HSD17B2: variants seen among roughly 807,000 people sequenced by gnomAD.
HSD17B2 encodes 17-beta-hydroxysteroid dehydrogenase type 2.
Under a neutral mutation model 26.9 loss-of-function variants are expected in HSD17B2, and 32 were observed. The ratio of observed to expected loss-of-function variants is 1.19; its 90% CI spans 0.90 to 1.60. The LOEUF (loss-of-function observed/expected upper bound fraction) is 1.60. Among genes scored for constraint, HSD17B2 ranks in the 40% most tolerant of loss-of-function variants. The pLI, the probability that HSD17B2 is intolerant of heterozygous loss-of-function variation, is 0.00. For synonymous variants in HSD17B2, 246 were observed against 186.7 expected, an observed-to-expected ratio of 1.32 and a Z score of -2.59; for missense variants, 613 against 468.6, an observed-to-expected ratio of 1.31 and a Z score of -2.85.
intron 3 of HSD17B2, among the ~76,000 whole-genome samples, chr16:82,086,606 G>A (rs959072419): frequency 1.3e-5 from 2 of 152,304 alleles, no homozygotes; most frequent in East Asian, 3.9e-4. Flanking sequence ...TGACTTAGAA[G>A]AGGGGATGAT....
At chr16:82,072,791 C>G (rs1268550809) in intron 3 of HSD17B2, among the ~76,000 whole-genome samples, 1 of 152,112 alleles carries the variant, frequency 6.6e-6, no homozygotes, top group Non-Finnish European at 1.5e-5. Flanking sequence ...TGCGGTGGCT[C>G]AAGGATGTAA....
At chr16:82,089,809 A>G (rs886569200) in intron 3 of HSD17B2, among the ~76,000 whole-genome samples, 2 of 151,958 alleles carry the variant, frequency 1.3e-5, no homozygotes, top group African/African-American at 4.8e-5. Context: ...TCTGATAAGG[A>G]CACCCATCAT....
intron 1 of HSD17B2, among the ~76,000 whole-genome samples, chr16:82,061,979 A>T (rs996275893): frequency 6.6e-6 from 1 of 152,218 alleles, no homozygotes; most frequent in African/African-American, 2.4e-5. Flanking sequence ...GCCTGGCCTG[A>T]AGAACTCCCA....
chr16:82,047,963 C>T (rs8191078), intron 1 of HSD17B2, among the ~76,000 whole-genome samples: 12 of 152,084 alleles, frequency 7.9e-5, no homozygotes, highest in Admixed American at 1.3e-4. Context: ...ATAGGTCTTG[C>T]GAGACTGAGG....
intron 1 of HSD17B2, among the ~76,000 whole-genome samples, chr16:82,062,332 C>G (rs1201431812): frequency 6.6e-6 from 1 of 152,198 alleles, no homozygotes; most frequent in African/African-American, 2.4e-5. Context: ...TAACACCAAC[C>G]TCAGCATTTT....
chr16:82,081,200 T>G (rs1904370121), intron 3 of HSD17B2, among the ~76,000 whole-genome samples: 1 of 152,200 alleles, frequency 6.6e-6, no homozygotes, highest in Non-Finnish European at 1.5e-5. Flanking sequence ...AAAAAATTAT[T>G]GCAAATTGTG....
intron 3 of HSD17B2, among the ~76,000 whole-genome samples, chr16:82,089,420 G>A (rs8191207): frequency 2.0e-5 from 3 of 152,110 alleles, no homozygotes; most frequent in East Asian, 3.9e-4. Flanking sequence ...GAGCCCTGTT[G>A]TTATGGGTCT....
intron 3 of HSD17B2, among the ~76,000 whole-genome samples, chr16:82,075,911 A>AC (rs1904298850): frequency 6.6e-6 from 1 of 150,644 alleles, no homozygotes; most frequent in Admixed American, 6.6e-5. Flanking sequence ...TACATGTTAA[A>AC]AAAAAAAAAA....
rs373744144 is a variant in HSD17B2, at chr16:82,076,763, A to G, written c.664+5636A>G. 2.1e-4 allele frequency among the ~76,000 whole-genome samples: 32 copies of G among 152,240 alleles called. 1 individual carries two copies. In the South Asian group the frequency reaches 6.4e-3, roughly 31 times the overall value. On this transcript the variant is annotated intron_variant, in intron 3 of 4. Transcript: ENST00000199936. Reference sequence around the variant, plus strand: ...CTATTTTTTTGTGTGTGTTTTTAGTAGAGACAGGGTTTCATAATGTTGGCC... The same window carrying G: ...CTATTTTTTTGTGTGTGTTTTTAGTGGAGACAGGGTTTCATAATGTTGGCC...
At position 82,094,994 on chromosome 16, in the gene HSD17B2, G is replaced by A. The variant is rs1367402304; in HGVS notation, c.803-3081G>A. 2.0e-5 allele frequency: 3 copies of A among 152,216 alleles called. No individual in the cohort carries two copies. In the South Asian group the frequency reaches 6.2e-4, roughly 32 times the overall value. 9.4% of individuals were successfully genotyped at this position (152,216 alleles called of 1,614,324 possible). On this transcript the variant is annotated intron_variant, in intron 4 of 4. Transcript: ENST00000199936. ...TAACTTCATTGTGTGCAGCACCAAA[G>A]TGGCATGGGAGGGATGGGTAGGGAG...
At chr16:82,066,676 C>T (rs1914579950) in intron 1 of HSD17B2, among the ~76,000 whole-genome samples, 1 of 152,090 alleles carries the variant, frequency 6.6e-6, no homozygotes, top group Admixed American at 6.5e-5. Context: ...TACATTTCCA[C>T]ACCTCGCTAT....
intron 1 of HSD17B2, among the ~76,000 whole-genome samples, chr16:82,039,003 T>C (rs1913695116): frequency 6.6e-6 from 1 of 152,114 alleles, no homozygotes. Context: ...TTCCATGCAC[T>C]TCTGGCACCA....
intron 1 of HSD17B2, among the ~76,000 whole-genome samples, chr16:82,057,320 T>A (rs944206907): frequency 1.1e-4 from 17 of 151,952 alleles, no homozygotes; most frequent in Non-Finnish European, 2.5e-4. Context: ...TGCCTCAGCC[T>A]CCTGAATAGC....
At chr16:82,070,290 C>A (rs1054704585) in intron 2 of HSD17B2, among the ~76,000 whole-genome samples, 1 of 152,140 alleles carries the variant, frequency 6.6e-6, no homozygotes, top group Non-Finnish European at 1.5e-5. Context: ...TCCTACTGAT[C>A]CAAGTCCTGT....
intron 3 of HSD17B2, chr16:82,071,462 C>A (rs935037960): frequency 2.6e-6 from 1 of 390,528 alleles, no homozygotes; most frequent in East Asian, 6.1e-5. Context: ...TTTCAGGCAA[C>A]CTGTTTTCAA....
In HSD17B2 at chr16:82,098,219, A is replaced by AG; in HGVS notation, c.949dup (p.Asp317GlyfsTer44). On this transcript the variant is annotated frameshift_variant, in exon 5 of 5. Transcript: ENST00000199936. LOFTEE classifies it low-confidence loss of function (END_TRUNC). ...CTATTGATCAACTCGTTAGCCAGCA[A>AG]GGACTTCTCTCCGGTGCTGCGGGAC... The AG allele has an allele frequency of 6.2e-7, 1 of 1,614,188 alleles. No individual in the cohort carries two copies.
chr16:82,040,966 T>C (rs1376609450), intron 1 of HSD17B2, among the ~76,000 whole-genome samples: 1 of 152,260 alleles, frequency 6.6e-6, no homozygotes, highest in Non-Finnish European at 1.5e-5. Flanking sequence ...AGATGATTTT[T>C]ACATGAACAA....
chr16:82,040,401 CA>C (rs1047313099), intron 1 of HSD17B2, among the ~76,000 whole-genome samples: 65 of 152,218 alleles, frequency 4.3e-4, no homozygotes, highest in African/African-American at 1.5e-3. Flanking sequence ...TTGATTCTCA[CA>C]ACCCTAATAA....
intron 3 of HSD17B2, among the ~76,000 whole-genome samples, chr16:82,090,545 C>T (rs1006306358): frequency 6.6e-6 from 1 of 152,006 alleles, no homozygotes; most frequent in Non-Finnish European, 1.5e-5. Flanking sequence ...TCTCAAACTC[C>T]TGACCTCAGG....
Sources: allele counts gnomAD v4.1 joint callset (sites outside exome capture counted in the v4.1 genomes callset), GRCh38; gene constraint gnomAD v4.1.1; transcripts MANE v1.5; gene names NCBI Gene and HGNC (gene_info 2026-07-23, HGNC 2026-07-21).